AOPEP: variants seen among roughly 807,000 people sequenced by gnomAD.
AOPEP encodes the protein aminopeptidase O.
AOPEP carries 77 observed loss-of-function variants against 98.1 expected under a neutral mutation model. That is an observed-to-expected ratio of 0.78 (90% CI 0.65 to 0.95). AOPEP has a LOEUF of 0.95. AOPEP is among the 40% of genes least tolerant of loss of function. The pLI, the probability that AOPEP is intolerant of heterozygous loss-of-function variation, is 0.00. For missense variants in AOPEP, 1,024 were observed against 1,024.7 expected, an observed-to-expected ratio of 1.00 and a Z score of 0.01; for synonymous variants, 346 against 365.3, an observed-to-expected ratio of 0.95 and a Z score of 0.60.
chr9:95,042,566 T>G (rs1385741888), intron 13 of AOPEP, among the ~76,000 whole-genome samples: 1 of 152,170 alleles, frequency 6.6e-6, no homozygotes, highest in Non-Finnish European at 1.5e-5. Context: ...TTAGCTAATG[T>G]CAGGGTGTCC....
intron 5 of AOPEP, among the ~76,000 whole-genome samples, chr9:94,828,288 A>G (rs1855099870): frequency 6.6e-6 from 1 of 151,792 alleles, no homozygotes. Context: ...TTCATTGCCT[A>G]TTCCAAAGTC....
intron 5 of AOPEP, among the ~76,000 whole-genome samples, chr9:94,805,256 C>G (rs2133846590): frequency 6.6e-6 from 1 of 151,594 alleles, no homozygotes; most frequent in South Asian, 2.1e-4. Flanking sequence ...AGCTGCTGTT[C>G]TTGAGCAGAA....
chr9:94,790,711 G>C (rs1845516603), intron 3 of AOPEP, among the ~76,000 whole-genome samples: 1 of 152,080 alleles, frequency 6.6e-6, no homozygotes, highest in Non-Finnish European at 1.5e-5. Flanking sequence ...TTTTGAGATA[G>C]ACAAAGGAAC....
intron 13 of AOPEP, chr9:95,005,966 A>G: frequency 4.1e-6 from 2 of 493,370 alleles, no homozygotes; most frequent in Non-Finnish European, 8.2e-6. Flanking sequence ...CGCCCACAGT[A>G]TTAGGTTTCC....
chr9:95,005,457 C>G (rs1469882814), intron 12 of AOPEP, 85 bp from the exon 13 acceptor site: 1 of 1,328,436 alleles, frequency 7.5e-7, no homozygotes, highest in East Asian at 2.3e-5. Flanking sequence ...GGTCGCGAGG[C>G]CGGGGGTCTC....
chr9:94,925,156 T>TA (rs1371994830), intron 6 of AOPEP, among the ~76,000 whole-genome samples: 57 of 152,328 alleles, frequency 3.7e-4, no homozygotes, highest in Admixed American at 3.1e-3. Flanking sequence ...CATGCCCAGC[T>TA]AATTTTTGTA....
At chr9:94,960,578 G>T (rs903848338) in intron 9 of AOPEP, among the ~76,000 whole-genome samples, 2 of 151,876 alleles carry the variant, frequency 1.3e-5, no homozygotes, top group African/African-American at 4.8e-5. Context: ...CTTGTTAAAG[G>T]ATTTCAGTAT....
chr9:95,024,807 C>T (rs1339462759), intron 13 of AOPEP, among the ~76,000 whole-genome samples: 4 of 152,326 alleles, frequency 2.6e-5, no homozygotes, highest in Admixed American at 6.5e-5. Context: ...ACTTTTCATA[C>T]GGTTAGATTT....
intron 1 of AOPEP, 50 bp from the exon 2 acceptor site, chr9:94,759,599 C>T: frequency 1.7e-6 from 1 of 577,948 alleles, no homozygotes. Flanking sequence ...TGCAGGAGCA[C>T]TTAGGTCTTA....
At chr9:94,995,531 A>G (rs2061166458) in intron 11 of AOPEP, among the ~76,000 whole-genome samples, 1 of 152,180 alleles carries the variant, frequency 6.6e-6, no homozygotes, top group South Asian at 2.1e-4. Context: ...CAGTTAAGTC[A>G]CATTTACAGG....
chr9:94,759,725 A>C lies in AOPEP; in HGVS notation c.-59A>C. 7.6e-7 allele frequency: 1 copy of C among 1,307,906 alleles called. No individual in the cohort carries two copies. Among genetic ancestry groups the C allele is most frequent in the Non-Finnish European group, 1.1e-6 (1 of 938,150 alleles). The allele number at this position is 1,307,906 out of a possible 1,614,324, so 81.0% of individuals were successfully genotyped here. ...AGCTATTTATGATTCTGGAAGATTA[A>C]GGCAGATAGGAAACCCCATCTGAGA... On this transcript the variant is annotated 5_prime_UTR_variant, in exon 2 of 17. It removes the in-frame stop codon of an upstream open reading frame in the 5' UTR. Coordinates refer to ENST00000375315, the MANE Select transcript of AOPEP (RefSeq NM_001193329.3).
At chr9:95,058,618 T>G (rs928449422) in intron 13 of AOPEP, among the ~76,000 whole-genome samples, 1 of 152,082 alleles carries the variant, frequency 6.6e-6, no homozygotes, top group African/African-American at 2.4e-5. Context: ...CAGTTTTGAG[T>G]GTTTGTGGGG....
chr9:95,010,436 G>C (rs542418396), intron 13 of AOPEP, among the ~76,000 whole-genome samples: 1 of 152,166 alleles, frequency 6.6e-6, no homozygotes, highest in Non-Finnish European at 1.5e-5. Flanking sequence ...CCTATGGAGT[G>C]CTGAGCTGAG....
At chr9:94,953,941 A>C (rs2058282583) in intron 7 of AOPEP, among the ~76,000 whole-genome samples, 1 of 152,208 alleles carries the variant, frequency 6.6e-6, no homozygotes, top group African/African-American at 2.4e-5. Flanking sequence ...AAAATATTTA[A>C]AATTTTAAAG....
chr9:94,978,168 G>T (rs2059966962), intron 10 of AOPEP, among the ~76,000 whole-genome samples: 1 of 152,154 alleles, frequency 6.6e-6, no homozygotes, highest in South Asian at 2.1e-4. Context: ...CTCCTTAACA[G>T]TGTGTGTAAC....
chr9:95,093,063 G>A, the AOPEP span, among the ~76,000 whole-genome samples: 3 of 152,244 alleles, frequency 2.0e-5, no homozygotes, highest in African/African-American at 7.2e-5. Flanking sequence ...GAACAAGTGT[G>A]CATTTATGTT....
intron 5 of AOPEP, among the ~76,000 whole-genome samples, chr9:94,802,689 G>T (rs1238074184): frequency 1.3e-5 from 2 of 152,208 alleles, no homozygotes. Flanking sequence ...CTGCTTTTAT[G>T]CTTAAAAGCA....
intron 7 of AOPEP, among the ~76,000 whole-genome samples, chr9:94,929,579 G>A (rs922276892): frequency 5.9e-5 from 9 of 152,254 alleles, no homozygotes; most frequent in South Asian, 2.1e-4. Context: ...GAGATCTAGC[G>A]GAGGGAAGTG....
chr9:95,099,543 C>T, the AOPEP span: 148 of 230,274 alleles, frequency 6.4e-4, no homozygotes, highest in East Asian at 7.5e-3. Context: ...AGTGCCTGCC[C>T]GGCCGCCACC....
Sources: gnomAD v4.1 joint callset for allele counts (sites outside exome capture counted in the v4.1 genomes callset) on GRCh38, gnomAD v4.1.1 for gene constraint, MANE v1.5 for transcripts, NCBI Gene and HGNC (gene_info 2026-07-23, HGNC 2026-07-21) for gene names.